ERC2: variants seen among roughly 807,000 people sequenced by gnomAD.
ERC2 encodes ERC protein 2.
A neutral mutation model predicts 114.8 loss-of-function variants in ERC2; 42 were observed. The observed-to-expected ratio is 0.37, with a 90% CI of 0.29 to 0.47. ERC2 has a LOEUF of 0.47. ERC2 is among the 20% of genes least tolerant of loss of function. The probability of loss-of-function intolerance (pLI) is 0.99; values close to 1 mark genes in which losing one functional copy is unlikely to be tolerated. For missense variants in ERC2, 939 were observed against 1,150.7 expected, an observed-to-expected ratio of 0.82 and a Z score of 2.66; for synonymous variants, 454 against 425.5, an observed-to-expected ratio of 1.07 and a Z score of -0.82.
intron 2 of ERC2, among the ~76,000 whole-genome samples, chr3:56,423,462 T>A (rs1226788393): frequency 6.6e-6 from 1 of 152,204 alleles, no homozygotes; most frequent in East Asian, 1.9e-4. Context: ...GTCAAAAATG[T>A]CTTCAGACAC....
chr3:55,622,752 G>T (rs1559757013), intron 17 of ERC2, among the ~76,000 whole-genome samples: 1 of 151,868 alleles, frequency 6.6e-6, no homozygotes. Flanking sequence ...AAGGATTAAA[G>T]CATCTAATAC....
At chr3:56,036,448 A>C (rs1054502586) in intron 7 of ERC2, among the ~76,000 whole-genome samples, 1 of 152,198 alleles carries the variant, frequency 6.6e-6, no homozygotes, top group East Asian at 1.9e-4. Flanking sequence ...TGCAGATGAC[A>C]TGATCTTAAA....
chr3:56,284,067 C>T (rs545885067), intron 3 of ERC2, among the ~76,000 whole-genome samples: 3 of 152,280 alleles, frequency 2.0e-5, no homozygotes, highest in South Asian at 2.1e-4. Context: ...GAAATCTTCC[C>T]ATCAAAATTC....
intron 13 of ERC2, among the ~76,000 whole-genome samples, chr3:55,942,301 T>G (rs28384124): frequency 0.055 from 6,590 of 119,852 alleles, 101 homozygotes; most frequent in East Asian, 0.14. Flanking sequence ...TTTTTTTTTT[T>G]TTGTTGAGAC....
Position 56,289,645 on chromosome 3 carries a change from CA to C in ERC2, c.1074+6373del, listed in dbSNP as rs1309073468. Among the ~76,000 whole-genome samples the C allele has an allele frequency of 6.6e-5, 10 of 152,334 alleles. No individual in the cohort carries two copies. In the South Asian group the frequency reaches 1.7e-3, roughly 25 times the overall value. On this transcript the variant is annotated intron_variant, in intron 3 of 17. Coordinates refer to ENST00000288221, the MANE Select transcript of ERC2 (RefSeq NM_015576.3). Reference sequence around the variant, plus strand: ...CAGTTCCTACCTCTGTGATTTGACTCAGTCATCTGCTCTCCAATCATGCTTT... The same window carrying C: ...CAGTTCCTACCTCTGTGATTTGACTCGTCATCTGCTCTCCAATCATGCTTT...
chr3:55,746,728 C>T (rs549467704), intron 14 of ERC2, among the ~76,000 whole-genome samples: 7 of 152,298 alleles, frequency 4.6e-5, no homozygotes, highest in Non-Finnish European at 7.4e-5. Context: ...CAGGTTTCTG[C>T]GAGGGGCAGG....
At chr3:56,157,054 A>G (rs954007099) in intron 4 of ERC2, among the ~76,000 whole-genome samples, 1 of 152,190 alleles carries the variant, frequency 6.6e-6, no homozygotes, top group South Asian at 2.1e-4. Flanking sequence ...TATTTTACCC[A>G]TTTAACAGGT....
intron 2 of ERC2, among the ~76,000 whole-genome samples, chr3:56,341,592 A>C (rs1212895965): frequency 2.6e-5 from 4 of 151,992 alleles, no homozygotes; most frequent in Non-Finnish European, 5.9e-5. Flanking sequence ...TAGGGGCAAA[A>C]AAAAAAAACT....
chr3:55,556,828 T>C (rs1380958859), intron 17 of ERC2, among the ~76,000 whole-genome samples: 1 of 152,206 alleles, frequency 6.6e-6, no homozygotes, highest in Non-Finnish European at 1.5e-5. Context: ...TTAAGTGATT[T>C]TGAGCTGGTT....
chr3:56,090,635 A>G (rs779173642), intron 6 of ERC2, among the ~76,000 whole-genome samples: 1 of 152,062 alleles, frequency 6.6e-6, no homozygotes, highest in African/African-American at 2.4e-5. Flanking sequence ...AATTGGAAAT[A>G]TTATGAATAC....
At chr3:55,546,380 C>T (rs771965158) in intron 17 of ERC2, among the ~76,000 whole-genome samples, 1 of 152,184 alleles carries the variant, frequency 6.6e-6, no homozygotes, top group African/African-American at 2.4e-5. Flanking sequence ...CCCTATTAAC[C>T]CTGTTCCATG....
chr3:56,382,263 C>G (rs963851996), intron 2 of ERC2, among the ~76,000 whole-genome samples: 1 of 152,064 alleles, frequency 6.6e-6, no homozygotes, highest in South Asian at 2.1e-4. Context: ...CTCATGGATA[C>G]CACTGCAGCA....
chr3:56,169,030 C>T (rs953164030), intron 4 of ERC2, among the ~76,000 whole-genome samples: 2 of 152,164 alleles, frequency 1.3e-5, no homozygotes, highest in Non-Finnish European at 1.5e-5. Context: ...CCTCGCTGAC[C>T]GTGGGACTGG....
chr3:56,391,010 C>G (rs1332861012), intron 2 of ERC2, among the ~76,000 whole-genome samples: 1 of 151,984 alleles, frequency 6.6e-6, no homozygotes, highest in Non-Finnish European at 1.5e-5. Context: ...GATCCCTGAG[C>G]TTTAGTTTCT....
At chr3:56,413,403 C>T (rs2061019046) in intron 2 of ERC2, among the ~76,000 whole-genome samples, 1 of 152,242 alleles carries the variant, frequency 6.6e-6, no homozygotes, top group Non-Finnish European at 1.5e-5. Context: ...AGCATGGTGG[C>T]TGCTTGGGGT....
rs143170115 is a variant in ERC2 at position 56,205,402 on chromosome 3, C to T, written c.1075-31882G>A. The stretch of plus-strand genomic sequence containing the variant: ...GAGTATCTTTTTACAATTTGGGTCA[C>T]TGGAGTGCATTGCATTCTGAGCAGG... On this transcript the variant is annotated intron_variant, in intron 3 of 17. Coordinates refer to ENST00000288221, the MANE Select transcript of ERC2 (RefSeq NM_015576.3). 3.3e-3 allele frequency among the ~76,000 whole-genome samples: 508 copies of T among 152,266 alleles called. 1 individual carries two copies. The highest frequency in any genetic ancestry group is 0.012 in the African/African-American group (486 of 41,536).
At chr3:56,392,159 A>C (rs1007316548) in intron 2 of ERC2, among the ~76,000 whole-genome samples, 1 of 152,250 alleles carries the variant, frequency 6.6e-6, no homozygotes, top group African/African-American at 2.4e-5. Flanking sequence ...TTCAAATATC[A>C]AAATTATTGA....
intron 3 of ERC2, among the ~76,000 whole-genome samples, chr3:56,183,438 G>T (rs1229401766): frequency 1.3e-5 from 2 of 152,140 alleles, no homozygotes; most frequent in East Asian, 3.9e-4. Flanking sequence ...TAGAGAGGTT[G>T]GGATAAATAT....
At chr3:55,899,626 T>C (rs2064026671) in intron 13 of ERC2, among the ~76,000 whole-genome samples, 1 of 152,110 alleles carries the variant, frequency 6.6e-6, no homozygotes, top group African/African-American at 2.4e-5. Context: ...CAAAAAGATT[T>C]AACGTAAAGG....
Sources: allele counts gnomAD v4.1 joint callset (sites outside exome capture counted in the v4.1 genomes callset), GRCh38; gene constraint gnomAD v4.1.1; transcripts MANE v1.5; gene names NCBI Gene and HGNC (gene_info 2026-07-23, HGNC 2026-07-21).